IK: variants seen among roughly 807,000 people sequenced by gnomAD.
IK encodes protein Red.
In IK, 47 loss-of-function variants were observed where a neutral mutation model predicts 90.9. The ratio of observed to expected loss-of-function variants is 0.52; its 90% confidence interval spans 0.41 to 0.66. The LOEUF (loss-of-function observed/expected upper bound fraction) is 0.66. Among genes scored for constraint, IK ranks in the 30% least tolerant of loss-of-function variants. IK has a pLI of 0.00. For synonymous variants in IK, 201 were observed against 227.5 expected, an observed-to-expected ratio of 0.88 and a Z score of 1.05; for missense variants, 385 against 709.3, an observed-to-expected ratio of 0.54 and a Z score of 5.19.
chr5:140,660,891 A>G (rs1757793688), intron 16 of IK, 76 bp downstream of exon 16: 2 of 1,143,380 alleles, frequency 1.7e-6, no homozygotes, highest in Admixed American at 1.7e-5. Flanking sequence ...CCCCACTCCT[A>G]AAAAATCTAT....
At chr5:140,657,327 TTCTA>T (rs137980934) in intron 9 of IK, among the ~76,000 whole-genome samples, 1 of 152,370 alleles carries the variant, frequency 6.6e-6, no homozygotes, top group African/African-American at 2.4e-5. Context: ...CATCTGGCCT[TTCTA>T]GAATGTTCTA....
intron 4 of IK, 44 bp from the exon 5 acceptor site, chr5:140,652,933 T>C: frequency 2.5e-6 from 4 of 1,591,042 alleles, no homozygotes; most frequent in Non-Finnish European, 3.4e-6. Context: ...GACCTTGAGG[T>C]AGCAGCTGAT....
intron 6 of IK, 24 bp from the exon 7 acceptor site, chr5:140,654,492 T>C (rs1757672421): frequency 4.5e-6 from 7 of 1,564,090 alleles, no homozygotes; most frequent in Non-Finnish European, 6.1e-6. Flanking sequence ...ATGAGTGTCC[T>C]AACCCTGCTT....
chr5:140,649,012 T>C, intron 2 of IK: 1 of 178,216 alleles, frequency 5.6e-6, no homozygotes, highest in Admixed American at 5.9e-5. Flanking sequence ...TAATTTTGTA[T>C]TTTTAGTAGA....
intron 5 of IK, 104 bp from the exon 6 acceptor site, chr5:140,653,834 A>C (rs2149806324): frequency 1.5e-6 from 1 of 663,234 alleles, no homozygotes; most frequent in South Asian, 1.9e-5. Flanking sequence ...CAAACTCCTG[A>C]CCTTGTGATC....
intron 1 of IK, 117 bp downstream of exon 1, chr5:140,648,041 T>A: frequency 2.2e-6 from 1 of 445,416 alleles, no homozygotes; most frequent in Non-Finnish European, 3.4e-6. Context: ...TGTGTGTGTG[T>A]GTGTATGTAT....
At chr5:140,651,616 A>G (rs1757617862) in intron 2 of IK, 98 bp from the exon 3 acceptor site, 1 of 665,540 alleles carries the variant, frequency 1.5e-6, no homozygotes, top group Non-Finnish European at 2.6e-6. Flanking sequence ...TTTAATTTGT[A>G]TTTCCCTGAT....
chr5:140,649,980 G>T (rs1581480015), intron 2 of IK, among the ~76,000 whole-genome samples: 1 of 152,266 alleles, frequency 6.6e-6, no homozygotes, highest in South Asian at 2.1e-4. Flanking sequence ...ACCCTGCTCA[G>T]TGTTTCTGAG....
chr5:140,659,481 T>G (rs1757765784), intron 13 of IK, 148 bp downstream of exon 13: 1 of 843,728 alleles, frequency 1.2e-6, no homozygotes, highest in African/African-American at 1.7e-5. Context: ...TAGGTGGAGT[T>G]CCCTCCACCT....
intron 18 of IK, 25 bp from the exon 19 acceptor site, chr5:140,662,154 A>G (rs772613767): frequency 1.9e-6 from 3 of 1,613,740 alleles, no homozygotes; most frequent in Admixed American, 1.7e-5. Flanking sequence ...CAGCTTGGTG[A>G]TAGACTATCC....
chr5:140,648,084 A>C, intron 1 of IK, 160 bp downstream of exon 1: 2 of 869,460 alleles, frequency 2.3e-6, no homozygotes, highest in South Asian at 2.7e-5. Context: ...GAGAAGCCAC[A>C]GGGTCCTAAG....
intron 2 of IK, among the ~76,000 whole-genome samples, chr5:140,649,495 G>A (rs1452269835): frequency 2.0e-5 from 3 of 151,986 alleles, no homozygotes; most frequent in Non-Finnish European, 2.9e-5. Flanking sequence ...CATTACAGGC[G>A]TGAGCCACCG....
Position 140,655,949 on chromosome 5 carries a change from C to A in IK, c.758C>A (p.Pro253His). The A allele has an allele frequency of 6.4e-7, 1 of 1,559,882 alleles. No individual in the cohort carries two copies. Among genetic ancestry groups the A allele is most frequent in the East Asian group, 2.4e-5 (1 of 42,036 alleles). Residue 253 changes from proline to histidine, a missense_variant, in exon 9 of 20, where the codon CCC (proline) becomes CAC (histidine). Physicochemically the swap from Pro to His is moderately conservative, Grantham distance 77. Around this residue, in one of 8 missense-constraint regions of IK, gnomAD observed 33 missense variants for 86.1 expected, o/e 0.38. Transcript: ENST00000417647. ...LDDEYADTDI[P>H]TTLIRSKADC... ...GATGAGTATGCTGACACAGATATCC[C>A]CACCACTCTTATCCGCAGCAAGGCT... is the stretch of plus-strand genomic sequence containing the variant.
chr5:140,651,394 A>G (rs1390835645), intron 2 of IK, among the ~76,000 whole-genome samples: 2 of 150,060 alleles, frequency 1.3e-5, no homozygotes, highest in Non-Finnish European at 3.0e-5. Context: ...GGCTGAGATC[A>G]TGCCACTGCA....
chr5:140,653,350 G>A (rs1351950204), intron 5 of IK, among the ~76,000 whole-genome samples: 1 of 149,300 alleles, frequency 6.7e-6, no homozygotes, highest in African/African-American at 2.5e-5. Context: ...GCAGTGGCAC[G>A]ATCTTGGCTC....
intron 10 of IK, 61 bp downstream of exon 10, chr5:140,657,723 G>C (rs377508460): frequency 1.8e-6 from 2 of 1,085,480 alleles, no homozygotes; most frequent in East Asian, 2.4e-5. Context: ...ATAAAACCAA[G>C]GTCTCCTGGA....
At chr5:140,660,735 G>T (rs369803160) in intron 15 of IK, 23 bp from the exon 16 acceptor site, 18 of 1,605,912 alleles carry the variant, frequency 1.1e-5, no homozygotes, top group Admixed American at 1.7e-5. Flanking sequence ...TGCAACATCT[G>T]TTTAACTCTT....
rs920327128 is a variant in IK at position 140,661,818 on chromosome 5, T to C, written c.1503-81T>C. On this transcript the variant is annotated intron_variant, in intron 17 of 19. Transcript: ENST00000417647. This position sits in a 1 kb window ranked among gnomAD's most constrained non-coding sequence, Gnocchi z 4.2. ...TCTGGCTGAGATGTTCCCCACTAAG[T>C]TCTTTGCCCACAGGACTCTGGGAAA... is the stretch of plus-strand genomic sequence containing the variant. 1.7e-4 allele frequency: 240 copies of C among 1,432,404 alleles called. 1 individual carries two copies. Among genetic ancestry groups the C allele is most frequent in the Middle Eastern group, 3.6e-4 (2 of 5,572 alleles). The allele number at this position is 1,432,404 out of a possible 1,614,324, so 88.7% of individuals were successfully genotyped here.
At chr5:140,656,052 G>A in intron 9 of IK, 60 bp downstream of exon 9, 1 of 1,506,136 alleles carries the variant, frequency 6.6e-7, no homozygotes, top group South Asian at 1.2e-5. Context: ...AATCAGCCTG[G>A]CCTCTGCCCC....
Sources: allele counts gnomAD v4.1 joint callset (sites outside exome capture counted in the v4.1 genomes callset), GRCh38; gene constraint gnomAD v4.1.1; regional missense constraint gnomAD v4.1.1; non-coding constraint Gnocchi (gnomAD v3.1); transcripts MANE v1.5; gene names NCBI Gene and HGNC (gene_info 2026-07-23, HGNC 2026-07-21).